RIMBP2: variants seen among roughly 807,000 people sequenced by gnomAD.
RIMBP2 encodes RIMS-binding protein 2.
Under a neutral mutation model 118.6 loss-of-function variants are expected in RIMBP2, and 48 were observed. The ratio of observed to expected loss-of-function variants is 0.40; its 90% CI spans 0.32 to 0.51. The LOEUF (loss-of-function observed/expected upper bound fraction) is 0.51. Ranked by LOEUF, RIMBP2 falls within the 20% of genes least tolerant of loss-of-function variation. The probability of loss-of-function intolerance (pLI) is 0.41; values close to 1 mark genes in which losing one functional copy is unlikely to be tolerated. For synonymous variants in RIMBP2, 762 were observed against 742.9 expected, an observed-to-expected ratio of 1.03 and a Z score of -0.42; for missense variants, 1,551 against 1,768.3, an observed-to-expected ratio of 0.88 and a Z score of 2.20.
chr12:130,595,570 T>A (rs144640601), intron 2 of RIMBP2, among the ~76,000 whole-genome samples: 2 of 151,508 alleles, frequency 1.3e-5, no homozygotes, highest in Admixed American at 6.6e-5. Flanking sequence ...ATAATAATAA[T>A]AAAATAAAAA....
In RIMBP2 at chr12:130,424,594, C is replaced by A. The variant is rs909885340; in HGVS notation, c.2677G>T (p.Ala893Ser). 8.1e-7 allele frequency: 1 copy of A among 1,231,930 alleles called. No homozygotes were observed. Among genetic ancestry groups the A allele is most frequent in the Admixed American group, 4.2e-5 (1 of 23,726 alleles). The allele number at this position is 1,231,930 out of a possible 1,614,324, so 76.3% of individuals were successfully genotyped here. Residue 893 changes from alanine to serine, a missense_variant, in exon 16 of 23, where the codon GCC becomes TCC. Ala to Ser is a moderately conservative substitution (Grantham distance 99). Around this residue, in one of 5 missense-constraint regions of RIMBP2, gnomAD observed 1,038 missense variants for 1,125.1 expected, o/e 0.92. Coordinates refer to ENST00000690449, the MANE Select transcript of RIMBP2 (RefSeq NM_001393629.1). The surrounding 1 kb of genome is among the most constrained non-coding windows in gnomAD (Gnocchi z 9.8). ...AGGAAGTCCTCCACGTGGGGGACGG[C>A]CCCCGAGCCCCTGTGCTTCACCGGG... Reference protein sequence around the residue: ...WFPVKHRGSGAVPHVEDFLLE... With the variant: ...WFPVKHRGSGSVPHVEDFLLE...
chr12:130,599,031 A>G (rs898104786), intron 2 of RIMBP2, among the ~76,000 whole-genome samples: 3 of 152,180 alleles, frequency 2.0e-5, no homozygotes, highest in Admixed American at 1.3e-4. Flanking sequence ...CAAAGATGCA[A>G]AGAGAATTTG....
At chr12:130,501,346 C>T (rs1377990563) in intron 4 of RIMBP2, among the ~76,000 whole-genome samples, 1 of 152,126 alleles carries the variant, frequency 6.6e-6, no homozygotes, top group Non-Finnish European at 1.5e-5. Flanking sequence ...AGATGCACCT[C>T]CTCTCTCAAT....
intron 1 of RIMBP2, among the ~76,000 whole-genome samples, chr12:130,640,728 G>A (rs1049624018): frequency 1.3e-5 from 2 of 152,160 alleles, no homozygotes; most frequent in Non-Finnish European, 2.9e-5. Context: ...TTTGGACGTC[G>A]GCATCTGGCC....
chr12:130,567,733 C>A lies in RIMBP2; in HGVS notation c.-216-49816G>T, dbSNP rs192593775. Among the ~76,000 whole-genome samples, 309 of 152,346 alleles carry A rather than the reference C, an allele frequency of 2.0e-3. 4 individuals carry two copies. Among genetic ancestry groups the A allele is most frequent in the Admixed American group, 0.019 (294 of 15,304 alleles). The stretch of plus-strand genomic sequence containing the variant: ...CTTTCAGGGGTCTGGGTCCCCTCCA[C>A]CCTGCCTCTAAGTCTTAATCATCCC... On this transcript the variant is annotated intron_variant, in intron 2 of 22. Transcript: ENST00000690449.
chr12:130,655,226 A>G (rs933084133), intron 1 of RIMBP2, among the ~76,000 whole-genome samples: 23 of 152,306 alleles, frequency 1.5e-4, no homozygotes, highest in African/African-American at 5.1e-4. Flanking sequence ...AGCGTGTAAC[A>G]TCGCCCCACC....
intron 1 of RIMBP2, among the ~76,000 whole-genome samples, chr12:130,642,425 C>T (rs1023894708): frequency 6.6e-6 from 1 of 152,198 alleles, no homozygotes; most frequent in Non-Finnish European, 1.5e-5. Context: ...GCTGGGACTA[C>T]AAGTGCCCGC....
chr12:130,434,639 T>C lies in RIMBP2; in HGVS notation c.2253+95A>G. ...TCCATCTCTCTCAGGGACCCAAGGG[T>C]AGCGGGGAAAGTGCCCATGTCTCTT... On this transcript the variant is annotated intron_variant, in intron 14 of 22. Transcript: ENST00000690449. This position sits in a 1 kb window ranked among gnomAD's most constrained non-coding sequence, Gnocchi z 5.7. 9 of 1,338,178 alleles carry C rather than the reference T, an allele frequency of 6.7e-6. No individual in the cohort carries two copies. Among genetic ancestry groups the C allele is most frequent in the Non-Finnish European group, 8.0e-6 (8 of 997,948 alleles). 82.9% of individuals were successfully genotyped at this position (1,338,178 alleles called of 1,614,324 possible).
intron 19 of RIMBP2, among the ~76,000 whole-genome samples, chr12:130,410,064 C>T (rs980371278): frequency 6.6e-6 from 1 of 152,366 alleles, no homozygotes; most frequent in Admixed American, 6.5e-5. Flanking sequence ...CGACGGCCAG[C>T]CGTTTTAATC....
At chr12:130,681,944 G>A (rs544744327) in intron 1 of RIMBP2, among the ~76,000 whole-genome samples, 10 of 152,234 alleles carry the variant, frequency 6.6e-5, no homozygotes, top group South Asian at 4.1e-4. Flanking sequence ...TGATCCACCC[G>A]CCTCAGCCTC....
At chr12:130,453,323 A>G (rs1002032425) in intron 7 of RIMBP2, among the ~76,000 whole-genome samples, 1 of 152,206 alleles carries the variant, frequency 6.6e-6, no homozygotes, top group Non-Finnish European at 1.5e-5. Flanking sequence ...CACAGGCTGG[A>G]GGAGCCCTGG....
At chr12:130,603,851 T>C (rs1424026341) in intron 2 of RIMBP2, among the ~76,000 whole-genome samples, 1 of 152,232 alleles carries the variant, frequency 6.6e-6, no homozygotes, top group Admixed American at 6.5e-5. Context: ...TACATCATGC[T>C]TGATACGTGA....
intron 2 of RIMBP2, among the ~76,000 whole-genome samples, chr12:130,612,399 T>C (rs1287754396): frequency 6.6e-6 from 1 of 152,010 alleles, no homozygotes; most frequent in African/African-American, 2.4e-5. Flanking sequence ...AGGCCAGGGG[T>C]TGAAAGGTCA....
In RIMBP2 at chr12:130,447,650, C is replaced by A. The variant is rs2078648205; in HGVS notation, c.582-2381G>T. ...AGCAGTGGCCCTGGGCGGCACACTG[C>A]AAGTGGGTGAACTGTGCAGTGAGGA... On this transcript the variant is annotated intron_variant, in intron 9 of 22. Transcript: ENST00000690449. The surrounding 1 kb of genome is among the most constrained non-coding windows in gnomAD (Gnocchi z 4.4). 6.6e-6 allele frequency among the ~76,000 whole-genome samples: 1 copy of A among 152,168 alleles called. No homozygotes were observed. The highest frequency in any genetic ancestry group is 1.5e-5 in the Non-Finnish European group (1 of 68,028).
intron 7 of RIMBP2, among the ~76,000 whole-genome samples, chr12:130,453,685 G>A (rs533543355): frequency 5.3e-5 from 8 of 152,334 alleles, no homozygotes; most frequent in South Asian, 2.1e-4. Flanking sequence ...GGGCCGGGCC[G>A]GGGGCTGTTG....
rs1307524164 is a variant in RIMBP2 at position 130,535,728 on chromosome 12, CATATATATACATATATATAT to C, written c.-216-17831_-216-17812del. ...ACACATATACATATACATATATATA[CATATATATACATATATATAT>C]ATATATATATATATATATATATATA... is the stretch of plus-strand genomic sequence containing the variant. On this transcript the variant is annotated intron_variant, in intron 2 of 22. Transcript: ENST00000690449. 3.6e-3 allele frequency among the ~76,000 whole-genome samples: 457 copies of C among 127,926 alleles called. 3 individuals are homozygous for C. The highest frequency in any genetic ancestry group is 0.026 in the East Asian group (116 of 4,484). 83.9% of individuals were successfully genotyped at this position (127,926 alleles called of 152,430 possible).
At chr12:130,448,014 C>T (rs1247794295) in intron 9 of RIMBP2, among the ~76,000 whole-genome samples, 1 of 152,048 alleles carries the variant, frequency 6.6e-6, no homozygotes, top group African/African-American at 2.4e-5. Context: ...GCAAAGCCAC[C>T]TCTTAGGGGC....
At chr12:130,510,243 G>A (rs1372392224) in intron 3 of RIMBP2, among the ~76,000 whole-genome samples, 1 of 152,220 alleles carries the variant, frequency 6.6e-6, no homozygotes, top group African/African-American at 2.4e-5. Flanking sequence ...TCCCACAGTA[G>A]AGCTAGAAGG....
intron 1 of RIMBP2, among the ~76,000 whole-genome samples, chr12:130,662,570 C>T (rs1044364689): frequency 6.6e-6 from 1 of 152,044 alleles, no homozygotes; most frequent in Non-Finnish European, 1.5e-5. Context: ...ACAGGAGAAT[C>T]ACTGGAACCC....
Sources: allele counts gnomAD v4.1 joint callset (sites outside exome capture counted in the v4.1 genomes callset), GRCh38; gene constraint gnomAD v4.1.1; regional missense constraint gnomAD v4.1.1; non-coding constraint Gnocchi (gnomAD v3.1); transcripts MANE v1.5; gene names NCBI Gene and HGNC (gene_info 2026-07-23, HGNC 2026-07-21).